The following NRG1 variants were observed in gnomAD, a reference collection of about 807,000 sequenced individuals.
The protein encoded by NRG1 is neuregulin 1.
NRG1 carries 18 observed loss-of-function variants against 63.8 expected under a neutral mutation model. The ratio of observed to expected loss-of-function variants is 0.28; its 90% CI spans 0.19 to 0.42. NRG1 has a LOEUF of 0.42. Ranked by LOEUF, NRG1 falls within the 10% of genes least tolerant of loss-of-function variation. NRG1 has a pLI of 1.00. For missense variants in NRG1, 762 were observed against 814.7 expected (o/e 0.94, Z 0.79); for synonymous variants, 302 against 301.3 (o/e 1.00, Z -0.02).
intron 1 of NRG1, chr8:31,639,909 A>C (rs1803567105): frequency 3.7e-6 from 4 of 1,093,578 alleles, no homozygotes; most frequent in Non-Finnish European, 4.4e-6. Context: ...CTGCGAGGGG[A>C]AGGAAAAGGG....
intron 1 of NRG1, among the ~76,000 whole-genome samples, chr8:32,130,778 C>G (rs1448007073): frequency 6.6e-6 from 1 of 151,970 alleles, no homozygotes; most frequent in African/African-American, 2.4e-5. Flanking sequence ...CAAATACCAG[C>G]CTTATCCCTT....
At chr8:32,478,250 G>A (rs1183209436) in intron 1 of NRG1, among the ~76,000 whole-genome samples, 1 of 134,364 alleles carries the variant, frequency 7.4e-6, no homozygotes, top group East Asian at 2.4e-4. Flanking sequence ...TTTGCCCAGT[G>A]GGCTTCTTCC....
At chr8:32,170,069 C>T (rs1006224846) in intron 1 of NRG1, among the ~76,000 whole-genome samples, 1 of 152,152 alleles carries the variant, frequency 6.6e-6, no homozygotes, top group African/African-American at 2.4e-5. Context: ...CTGAGGTTAC[C>T]AGAAGCTGGA....
chr8:32,052,352 T>C (rs1301796214), intron 1 of NRG1, among the ~76,000 whole-genome samples: 2 of 147,332 alleles, frequency 1.4e-5, no homozygotes, highest in African/African-American at 5.0e-5. Flanking sequence ...CATAGCTCAC[T>C]GCAGCCTCAA....
intron 1 of NRG1, among the ~76,000 whole-genome samples, chr8:32,151,609 G>A (rs1056890226): frequency 3.9e-5 from 6 of 152,248 alleles, no homozygotes; most frequent in Non-Finnish European, 5.9e-5. Flanking sequence ...GATCGGAAAT[G>A]TAAGTCTCTA....
At chr8:31,899,110 T>G (rs1196327574) in intron 1 of NRG1, among the ~76,000 whole-genome samples, 1 of 42,130 alleles carries the variant, frequency 2.4e-5, no homozygotes, top group Non-Finnish European at 5.0e-5. Flanking sequence ...TTAAGTTTCC[T>G]TTTTTTTTTT....
intron 9 of NRG1, 43 bp from the exon 10 acceptor site, chr8:32,759,263 G>A: frequency 6.3e-7 from 1 of 1,597,946 alleles, no homozygotes. Flanking sequence ...TGATTGACAT[G>A]AATCTACGTG....
chr8:31,830,114 G>T (rs146582336), intron 1 of NRG1, among the ~76,000 whole-genome samples: 2 of 152,128 alleles, frequency 1.3e-5, no homozygotes, highest in Non-Finnish European at 2.9e-5. Flanking sequence ...ACCTTTAGCT[G>T]AGAGTATTAT....
chr8:31,768,895 C>T (rs867790691), intron 1 of NRG1, among the ~76,000 whole-genome samples: 5 of 152,304 alleles, frequency 3.3e-5, no homozygotes, highest in Middle Eastern at 3.4e-3. Flanking sequence ...AACTCTGTTC[C>T]ACTTTCTCTG....
chr8:32,510,097 AAATAATAAT>A (rs57367955), intron 1 of NRG1, among the ~76,000 whole-genome samples: 5 of 139,108 alleles, frequency 3.6e-5, no homozygotes, highest in African/African-American at 7.8e-5. Flanking sequence ...TCCTAGACAA[AAATAATAAT>A]AATAATAATA....
intron 5 of NRG1, among the ~76,000 whole-genome samples, chr8:32,665,628 G>C (rs1043531443): frequency 1.3e-5 from 2 of 152,148 alleles, no homozygotes; most frequent in Non-Finnish European, 2.9e-5. Flanking sequence ...CAGTGTATTG[G>C]TGCTTATTTT....
intron 1 of NRG1, among the ~76,000 whole-genome samples, chr8:32,252,482 T>C (rs1417804058): frequency 6.6e-6 from 1 of 152,190 alleles, no homozygotes; most frequent in African/African-American, 2.4e-5. Context: ...TTTTGTCAGG[T>C]TTGTAAAAAA....
At chr8:32,206,472 T>C (rs1320450950) in intron 1 of NRG1, among the ~76,000 whole-genome samples, 1 of 152,194 alleles carries the variant, frequency 6.6e-6, no homozygotes, top group East Asian at 1.9e-4. Flanking sequence ...GTTTAAAGGC[T>C]TTACTTTTTC....
intron 1 of NRG1, among the ~76,000 whole-genome samples, chr8:31,983,630 G>T (rs1226801829): frequency 6.6e-6 from 1 of 151,944 alleles, no homozygotes; most frequent in African/African-American, 2.4e-5. Context: ...GATGTGCTCT[G>T]CTGGGTGCTA....
chr8:31,914,631 C>A (rs896766292), intron 1 of NRG1, among the ~76,000 whole-genome samples: 1 of 151,988 alleles, frequency 6.6e-6, no homozygotes, highest in Admixed American at 6.6e-5. Context: ...TTTTAAGGTA[C>A]CCATACATAA....
Position 32,632,470 on chromosome 8 carries a change from A to C in NRG1, c.502+15585A>C, listed in dbSNP as rs868538153. On this transcript the variant is annotated intron_variant, in intron 5 of 11. Transcript: ENST00000356819. ...AGGCTGAGGCAGGAGAATTGCTTGA[A>C]CCTGGGAGGCAGAGGTTGCGGTGAG... 6.9e-4 allele frequency among the ~76,000 whole-genome samples: 102 copies of C among 148,518 alleles called. 1 individual carries two copies. Among genetic ancestry groups the C allele is most frequent in the African/African-American group, 2.4e-3 (95 of 40,024 alleles).
chr8:32,551,074 TCTTTC>T (rs1158920841), intron 1 of NRG1, among the ~76,000 whole-genome samples: 7 of 152,220 alleles, frequency 4.6e-5, no homozygotes, highest in African/African-American at 1.4e-4. Flanking sequence ...AATCAGTGTT[TCTTTC>T]CTTCTTTGTC....
At chr8:32,447,730 G>A (rs931859755) in intron 1 of NRG1, among the ~76,000 whole-genome samples, 1 of 151,806 alleles carries the variant, frequency 6.6e-6, no homozygotes, top group Non-Finnish European at 1.5e-5. Flanking sequence ...AAAATTAGTC[G>A]AGCATGGCGG....
chr8:32,125,378 C>T (rs981846612), intron 1 of NRG1, among the ~76,000 whole-genome samples: 2 of 151,958 alleles, frequency 1.3e-5, no homozygotes, highest in African/African-American at 2.4e-5. Flanking sequence ...TCTCTGTAGA[C>T]TTTAATTGCT....
Sources: allele counts gnomAD v4.1 joint callset (sites outside exome capture counted in the v4.1 genomes callset), GRCh38; gene constraint gnomAD v4.1.1; transcripts MANE v1.5; gene names NCBI Gene and HGNC (gene_info 2026-07-23, HGNC 2026-07-21).